The following ENPP3 variants were observed in gnomAD, a reference collection of about 807,000 sequenced individuals.
ENPP3 encodes ectonucleotide pyrophosphatase/phosphodiesterase 3, also known as ectonucleotide pyrophosphatase/phosphodiesterase family member 3.
Under a neutral mutation model 117.8 loss-of-function variants are expected in ENPP3, and 104 were observed. The ratio of observed to expected loss-of-function variants is 0.88; its 90% CI spans 0.75 to 1.04. The LOEUF is 1.04. Among genes scored for constraint, ENPP3 ranks in the 50% least tolerant of loss-of-function variants. The pLI, the probability that ENPP3 is intolerant of heterozygous loss-of-function variation, is 0.00. For synonymous variants in ENPP3, 380 were observed against 349.9 expected, an observed-to-expected ratio of 1.09 and a Z score of -0.96; for missense variants, 1,026 against 1,051.9, an observed-to-expected ratio of 0.98 and a Z score of 0.34.
intron 20 of ENPP3, among the ~76,000 whole-genome samples, chr6:131,732,593 A>G (rs953406506): frequency 1.3e-5 from 2 of 151,364 alleles, no homozygotes; most frequent in African/African-American, 4.9e-5. Context: ...TTGTATTTTT[A>G]GTAGAGATGG....
chr6:131,724,170 A>G (rs1279432639), intron 19 of ENPP3, 79 bp downstream of exon 19: 13 of 917,556 alleles, frequency 1.4e-5, no homozygotes, highest in Admixed American at 2.2e-5. Flanking sequence ...GGACTCTCCA[A>G]AATAAGCTGA....
chr6:131,678,891 C>T (rs1270945631), intron 11 of ENPP3, among the ~76,000 whole-genome samples: 1 of 139,236 alleles, frequency 7.2e-6, no homozygotes, highest in East Asian at 2.2e-4. Flanking sequence ...GCCTTCTTTT[C>T]CCTTTCTTTC....
chr6:131,714,197 A>G (rs961988686), intron 15 of ENPP3, among the ~76,000 whole-genome samples: 1 of 151,100 alleles, frequency 6.6e-6, no homozygotes. Flanking sequence ...CCACCATTGT[A>G]CAGTTGAAAA....
At chr6:131,666,927 C>G (rs1778628808) in intron 6 of ENPP3, among the ~76,000 whole-genome samples, 1 of 152,100 alleles carries the variant, frequency 6.6e-6, no homozygotes, top group South Asian at 2.1e-4. Context: ...GCTAGTCCAG[C>G]CTTGTTTCTT....
intron 5 of ENPP3, among the ~76,000 whole-genome samples, chr6:131,657,475 A>G (rs1319402024): frequency 6.6e-6 from 1 of 152,204 alleles, no homozygotes; most frequent in Admixed American, 6.5e-5. Context: ...AAAGTACTCA[A>G]GTGCCTATGG....
intron 24 of ENPP3, among the ~76,000 whole-genome samples, chr6:131,745,485 G>T (rs1318488591): frequency 1.3e-5 from 2 of 151,904 alleles, no homozygotes; most frequent in Admixed American, 1.3e-4. Flanking sequence ...CTTATTATGT[G>T]AAAAGTTAAC....
chr6:131,724,895 G>GT (rs541224484), intron 19 of ENPP3, among the ~76,000 whole-genome samples: 9 of 151,626 alleles, frequency 5.9e-5, no homozygotes, highest in South Asian at 4.2e-4. Flanking sequence ...AATTAATTGT[G>GT]TTTTTTTCTA....
At chr6:131,730,120 T>C (rs561606067) in intron 20 of ENPP3, among the ~76,000 whole-genome samples, 1 of 152,224 alleles carries the variant, frequency 6.6e-6, no homozygotes, top group African/African-American at 2.4e-5. Flanking sequence ...TTATATACTG[T>C]ATATTTCTTC....
intron 14 of ENPP3, among the ~76,000 whole-genome samples, chr6:131,686,407 C>A (rs1304482329): frequency 3.3e-5 from 5 of 152,244 alleles, no homozygotes; most frequent in African/African-American, 9.6e-5. Context: ...TTTGGAAGTA[C>A]AATTCACTAC....
intron 16 of ENPP3, among the ~76,000 whole-genome samples, chr6:131,719,416 CACACAT>C (rs369702761): frequency 8.6e-4 from 113 of 131,182 alleles, no homozygotes; most frequent in East Asian, 3.1e-3. Context: ...CACACACACA[CACACAT>C]TCCTTTCCAA....
intron 15 of ENPP3, among the ~76,000 whole-genome samples, chr6:131,716,549 A>G (rs1245448669): frequency 6.6e-6 from 1 of 151,520 alleles, no homozygotes; most frequent in Non-Finnish European, 1.5e-5. Flanking sequence ...TCTTTCTTTC[A>G]TTAATGAACA....
intron 16 of ENPP3, among the ~76,000 whole-genome samples, chr6:131,719,298 G>A (rs1156289499): frequency 6.6e-6 from 1 of 151,796 alleles, no homozygotes; most frequent in Non-Finnish European, 1.5e-5. Context: ...TTGGGAGTGT[G>A]CCTGAGTCTA....
At chr6:131,651,307 A>G (rs950049111) in intron 3 of ENPP3, among the ~76,000 whole-genome samples, 3 of 152,298 alleles carry the variant, frequency 2.0e-5, no homozygotes, top group South Asian at 2.1e-4. Flanking sequence ...AGAGGACACA[A>G]TTCAACCTAT....
chr6:131,741,005 C>T (rs2114580077), intron 24 of ENPP3, among the ~76,000 whole-genome samples: 2 of 152,096 alleles, frequency 1.3e-5, no homozygotes, highest in South Asian at 4.2e-4. Context: ...ATTCCATCAA[C>T]TTGAACCATG....
intron 12 of ENPP3, among the ~76,000 whole-genome samples, chr6:131,684,910 G>A (rs959879508): frequency 6.6e-6 from 1 of 151,916 alleles, no homozygotes; most frequent in African/African-American, 2.4e-5. Flanking sequence ...TTAGCCTCTC[G>A]AGTAAATGGG....
intron 5 of ENPP3, among the ~76,000 whole-genome samples, chr6:131,654,004 C>T (rs1418673312): frequency 6.6e-6 from 1 of 152,072 alleles, no homozygotes; most frequent in Non-Finnish European, 1.5e-5. Flanking sequence ...CTGCCCTTCA[C>T]ACTTTTCTGG....
intron 1 of ENPP3, among the ~76,000 whole-genome samples, chr6:131,639,129 T>C (rs1321588994): frequency 6.6e-6 from 1 of 152,044 alleles, no homozygotes; most frequent in Non-Finnish European, 1.5e-5. Context: ...TAAAATAATG[T>C]AAAACAATGT....
intron 11 of ENPP3, among the ~76,000 whole-genome samples, chr6:131,678,932 T>TCTTA (rs1778937317): frequency 3.7e-5 from 3 of 80,110 alleles, no homozygotes. Flanking sequence ...TTTCTTTCTT[T>TCTTA]CTTTCTTTCT....
At chr6:131,681,336 T>TA (rs1779019686) in intron 11 of ENPP3, among the ~76,000 whole-genome samples, 2 of 152,178 alleles carry the variant, frequency 1.3e-5, no homozygotes, top group Admixed American at 1.3e-4. Context: ...TTTCCATGAA[T>TA]ATTTGCTGTG....
Sources: gnomAD v4.1 joint callset for allele counts (sites outside exome capture counted in the v4.1 genomes callset) on GRCh38, gnomAD v4.1.1 for gene constraint, MANE v1.5 for transcripts, NCBI Gene and HGNC (gene_info 2026-07-23, HGNC 2026-07-21) for gene names.